ZFP14: variants seen among roughly 807,000 people sequenced by gnomAD.
ZFP14 encodes the protein zinc finger protein 14 homolog.
A neutral mutation model predicts 54.5 loss-of-function variants in ZFP14; 22 were observed. That is an observed-to-expected ratio of 0.40 (90% CI 0.29 to 0.58). The LOEUF (loss-of-function observed/expected upper bound fraction) is 0.58, where lower values mean the gene tolerates loss of function less well. Among genes scored for constraint, ZFP14 ranks in the 20% least tolerant of loss-of-function variants. The pLI is 0.39. For synonymous variants in ZFP14, 159 were observed against 204.0 expected, an observed-to-expected ratio of 0.78 and a Z score of 1.88; for missense variants, 470 against 637.8, an observed-to-expected ratio of 0.74 and a Z score of 2.83.
At chr19:36,378,672 T>C (rs1207351134) in intron 1 of ZFP14, 2 of 152,238 alleles carry the variant, frequency 1.3e-5, no homozygotes, top group East Asian at 1.9e-4. Context: ...ACGGGAATCT[T>C]GAGACCGCGG....
chr19:36,377,318 G>A (rs2145567439), intron 1 of ZFP14, among the ~76,000 whole-genome samples: 1 of 152,278 alleles, frequency 6.6e-6, no homozygotes, highest in East Asian at 1.9e-4. Flanking sequence ...GGGAGGCTGA[G>A]GTGGAAGAAT....
intron 1 of ZFP14, among the ~76,000 whole-genome samples, chr19:36,375,035 T>C (rs779789927): frequency 1.8e-4 from 27 of 151,778 alleles, no homozygotes; most frequent in East Asian, 3.9e-4. Flanking sequence ...TAGAAAAGAA[T>C]GGCAAAAAGT....
chr19:36,350,964 G>A (rs1399862365), intron 4 of ZFP14, among the ~76,000 whole-genome samples: 1 of 143,040 alleles, frequency 7.0e-6, no homozygotes, highest in African/African-American at 2.6e-5. Flanking sequence ...TAAAAATTAA[G>A]ACGTAATAAA....
intron 1 of ZFP14, among the ~76,000 whole-genome samples, chr19:36,374,214 G>A (rs983156160): frequency 1.3e-5 from 2 of 151,830 alleles, no homozygotes; most frequent in African/African-American, 2.4e-5. Flanking sequence ...AGCTATGGCC[G>A]GGGCAGTGGC....
chr19:36,351,758 C>T (rs1347834514), intron 4 of ZFP14, among the ~76,000 whole-genome samples: 1 of 141,954 alleles, frequency 7.0e-6, no homozygotes, highest in Non-Finnish European at 1.6e-5. Context: ...ACCCAAGAGG[C>T]TGAAGTAGGA....
chr19:36,335,853 G>C lies in ZFP14; in HGVS notation c.*4371C>G, dbSNP rs1277132076. On this transcript the variant is annotated 3_prime_UTR_variant, in exon 5 of 5. Coordinates refer to ENST00000270001, the MANE Select transcript of ZFP14 (RefSeq NM_020917.3). Reference sequence around the variant, plus strand: ...GGGTTCAAGCAATTCTCCTGCCTCAGGCTCCCCAGTAGCTTAGATTACAGG... The same window carrying C: ...GGGTTCAAGCAATTCTCCTGCCTCACGCTCCCCAGTAGCTTAGATTACAGG... 6.6e-6 allele frequency: 1 copy of C among 152,026 alleles called. No individual in the cohort carries two copies. The highest frequency in any genetic ancestry group is 1.5e-5 in the Non-Finnish European group (1 of 68,044). The allele number at this position is 152,026 out of a possible 1,614,324, so 9.4% of individuals were successfully genotyped here.
intron 1 of ZFP14, among the ~76,000 whole-genome samples, chr19:36,373,310 C>A (rs558472183): frequency 1.3e-4 from 20 of 149,072 alleles, no homozygotes; most frequent in African/African-American, 4.7e-4. Context: ...ACCAAACAAA[C>A]AAACAAACAA....
Position 36,340,514 on chromosome 19 carries a change from G to T in ZFP14, c.1312C>A (p.Gln438Lys). 6.2e-7 allele frequency: 1 copy of T among 1,614,142 alleles called. No homozygotes were observed. The highest frequency in any genetic ancestry group is 8.5e-7 in the Non-Finnish European group (1 of 1,180,038). Residue 438 changes from glutamine to lysine, a missense_variant, in exon 5 of 5, where the codon CAA (glutamine) becomes AAA (lysine). By Grantham distance (53) the Gln-to-Lys change is moderately conservative (BLOSUM62 1). Coordinates refer to ENST00000270001, the MANE Select transcript of ZFP14 (RefSeq NM_020917.3). The surrounding 1 kb of genome is among the most constrained non-coding windows in gnomAD (Gnocchi z 5.4). The part of the protein sequence containing the change: ...ECGKAFRLLS[Q>K]LTQHQSIHTG... ...TGAATACTTTGATGCTGAGTAAGTTGTGAGAGCAGTCTAAAGGCCTTTCCA... is the reference window on the plus strand; with the variant it reads ...TGAATACTTTGATGCTGAGTAAGTTTTGAGAGCAGTCTAAAGGCCTTTCCA...
chr19:36,367,373 AC>A (rs1465600653), intron 2 of ZFP14, among the ~76,000 whole-genome samples: 1 of 152,154 alleles, frequency 6.6e-6, no homozygotes, highest in Non-Finnish European at 1.5e-5. Context: ...ACAGCTATTG[AC>A]AGAAGATTTT....
intron 1 of ZFP14, among the ~76,000 whole-genome samples, chr19:36,376,504 C>A (rs1164490104): frequency 6.6e-6 from 1 of 151,520 alleles, no homozygotes; most frequent in Non-Finnish European, 1.5e-5. Context: ...AAGATCGTGC[C>A]ACCGCACTCC....
In ZFP14 at chr19:36,360,511, A is replaced by G. The variant is rs759706558; in HGVS notation, c.159T>C (p.Asp53=). The G allele has an allele frequency of 2.5e-6, 4 of 1,613,232 alleles. No individual in the cohort carries two copies. The African/African-American group carries it at 5.3e-5, about 22-fold the overall frequency. ...TTTCTTCATCCAATAAGGTAATCAC[A>G]TCTGGTTTAGAAATGGAAGGTCCTG... is the stretch of plus-strand genomic sequence containing the variant. ...ISLGPSISKP[D]VITLLDEERK... The change falls in exon 4 of 5, where the codon GAT becomes GAC. Residue 53 remains aspartate (D), a synonymous_variant. Coordinates refer to ENST00000270001, the MANE Select transcript of ZFP14 (RefSeq NM_020917.3).
rs934951398 is a variant in ZFP14, at chr19:36,335,717, C to T, written c.*4507G>A. 6.6e-6 allele frequency: 1 copy of T among 152,064 alleles called. No individual in the cohort carries two copies. The highest frequency in any genetic ancestry group is 1.5e-5 in the Non-Finnish European group (1 of 68,020). 9.4% of individuals were successfully genotyped at this position (152,064 alleles called of 1,614,324 possible). A position where few individuals can be genotyped will look rare whatever the true frequency, so the allele number is the denominator to read the frequency against. On this transcript the variant is annotated 3_prime_UTR_variant, in exon 5 of 5. Coordinates refer to ENST00000270001, the MANE Select transcript of ZFP14 (RefSeq NM_020917.3). Reference sequence around the variant, plus strand: ...GAATATACACGTTTGTGCATGTGTGCATGTATAGTTTTACCATATTATGTT... The same window carrying T: ...GAATATACACGTTTGTGCATGTGTGTATGTATAGTTTTACCATATTATGTT...
At chr19:36,366,341 T>C (rs1450169588) in intron 2 of ZFP14, among the ~76,000 whole-genome samples, 1 of 152,104 alleles carries the variant, frequency 6.6e-6, no homozygotes, top group Non-Finnish European at 1.5e-5. Flanking sequence ...CTTTTTGAGA[T>C]AGGGTCTGGC....
Position 36,336,179 on chromosome 19 carries a change from A to T in ZFP14, c.*4045T>A, listed in dbSNP as rs1162835224. 1 of 151,380 alleles carries T rather than the reference A, an allele frequency of 6.6e-6. No individual in the cohort carries two copies. Among genetic ancestry groups the T allele is most frequent in the Non-Finnish European group, 1.5e-5 (1 of 67,952 alleles). 9.4% of individuals were successfully genotyped at this position (151,380 alleles called of 1,614,324 possible). ...AAAATCTAATCACTATTAACATTGAATCAAGTCTAATATTCTCCATTCTCT... is the reference window on the plus strand; with the variant it reads ...AAAATCTAATCACTATTAACATTGATTCAAGTCTAATATTCTCCATTCTCT... On this transcript the variant is annotated 3_prime_UTR_variant, in exon 5 of 5. Coordinates refer to ENST00000270001, the MANE Select transcript of ZFP14 (RefSeq NM_020917.3).
chr19:36,351,399 C>T lies in ZFP14; in HGVS notation c.235+9036G>A, dbSNP rs558830722. Among the ~76,000 whole-genome samples the T allele has an allele frequency of 1.9e-4, 27 of 140,706 alleles. 2 individuals are homozygous for T. Among genetic ancestry groups the T allele is most frequent in the African/African-American group, 5.2e-5 (2 of 38,350 alleles). 92.3% of individuals were successfully genotyped at this position (140,706 alleles called of 152,430 possible). A position where few individuals can be genotyped will look rare whatever the true frequency, so the allele number is the denominator to read the frequency against. ...CTGTAGTCCCAGCTACTCTAGAGGC[C>T]GAGGTGGGAGAATTGCTTGAACCCA... On this transcript the variant is annotated intron_variant, in intron 4 of 4. Transcript: ENST00000270001.
At chr19:36,358,025 G>A (rs536113594) in intron 4 of ZFP14, among the ~76,000 whole-genome samples, 395 of 151,804 alleles carry the variant, frequency 2.6e-3, no homozygotes, top group Non-Finnish European at 4.5e-3. Context: ...TTCCAGGCAT[G>A]AGCCACCATG....
At chr19:36,373,563 T>C (rs937969714) in intron 1 of ZFP14, among the ~76,000 whole-genome samples, 3 of 152,144 alleles carry the variant, frequency 2.0e-5, no homozygotes, top group African/African-American at 7.2e-5. Flanking sequence ...ATGGTAACTA[T>C]GTAAAAGGTA....
At chr19:36,361,200 G>A (rs1253053227) in intron 3 of ZFP14, among the ~76,000 whole-genome samples, 1 of 152,124 alleles carries the variant, frequency 6.6e-6, no homozygotes, top group African/African-American at 2.4e-5. Context: ...TACAAAGTAG[G>A]TAGAACTGCA....
chr19:36,342,447 A>G (rs2145540310), intron 4 of ZFP14, among the ~76,000 whole-genome samples: 1 of 152,238 alleles, frequency 6.6e-6, no homozygotes, highest in African/African-American at 2.4e-5. Context: ...TCAGCCTTCC[A>G]AAGTGCTGGG....
Sources: gnomAD v4.1 joint callset for allele counts (sites outside exome capture counted in the v4.1 genomes callset) on GRCh38, gnomAD v4.1.1 for gene constraint, Gnocchi (gnomAD v3.1) non-coding constraint, MANE v1.5 for transcripts, NCBI Gene and HGNC (gene_info 2026-07-23, HGNC 2026-07-21) for gene names.